The following RC3H1 variants were observed in gnomAD, a reference collection of about 807,000 sequenced individuals.
RC3H1 encodes roquin-1.
A neutral mutation model predicts 138.2 loss-of-function variants in RC3H1; 50 were observed. The observed-to-expected ratio is 0.36, with a 90% CI of 0.29 to 0.46. The LOEUF (loss-of-function observed/expected upper bound fraction) is 0.46. RC3H1 is among the 20% of genes least tolerant of loss of function. The pLI is 1.00. For synonymous variants in RC3H1, 462 were observed against 489.1 expected (o/e 0.94, Z 0.73); for missense variants, 1,031 against 1,388.1 (o/e 0.74, Z 4.09).
At chr1:173,995,684 T>C (rs1342453812) in intron 1 of RC3H1, among the ~76,000 whole-genome samples, 1 of 152,196 alleles carries the variant, frequency 6.6e-6, no homozygotes, top group Non-Finnish European at 1.5e-5. Context: ...TTGTTTTCAA[T>C]GTTCTCCTGT....
intron 1 of RC3H1, among the ~76,000 whole-genome samples, chr1:174,013,024 A>C (rs1202515822): frequency 6.6e-6 from 1 of 152,012 alleles, no homozygotes; most frequent in East Asian, 1.9e-4. Flanking sequence ...AAACAAAATA[A>C]AATTTTAGAA....
At chr1:174,020,601 T>A (rs1034804356) in intron 1 of RC3H1, among the ~76,000 whole-genome samples, 5 of 152,220 alleles carry the variant, frequency 3.3e-5, no homozygotes, top group Non-Finnish European at 2.9e-5. Context: ...GCAATCTCCT[T>A]GGATGTATCC....
At chr1:173,943,702 T>C (rs1659012776) in intron 17 of RC3H1, 87 bp from the exon 18 acceptor site, 2 of 1,323,788 alleles carry the variant, frequency 1.5e-6, no homozygotes, top group African/African-American at 1.5e-5. Context: ...ACCACAGCCT[T>C]GAGTAGCTTA....
chr1:173,946,552 T>C lies in RC3H1; in HGVS notation c.2885A>G (p.Glu962Gly). The change falls in exon 17 of 20, where the codon GAG (glutamate) becomes GGG (glycine). Residue 962 changes from glutamate to glycine, a missense_variant. By Grantham distance (98) the Glu-to-Gly change is moderately conservative. Around this residue, in one of 7 missense-constraint regions of RC3H1, gnomAD observed 716 missense variants for 837.9 expected, o/e 0.85. Coordinates refer to ENST00000367696, the MANE Select transcript of RC3H1 (RefSeq NM_172071.4). ...CAATTCTAGTCGTAGCTGTTCTCTCTCAGCAGATGGAAGGGGTTTTCCATG... is the reference window on the plus strand; with the variant it reads ...CAATTCTAGTCGTAGCTGTTCTCTCCCAGCAGATGGAAGGGGTTTTCCATG... The part of the protein sequence containing the change: ...ASHGKPLPSA[E>G]REQLRLELQQ... 1 of 1,614,086 alleles carries C rather than the reference T, an allele frequency of 6.2e-7. No homozygotes were observed. Among genetic ancestry groups the C allele is most frequent in the Non-Finnish European group, 8.5e-7 (1 of 1,179,934 alleles).
At chr1:173,947,901 C>T (rs1484208338) in intron 14 of RC3H1, among the ~76,000 whole-genome samples, 2 of 152,038 alleles carry the variant, frequency 1.3e-5, no homozygotes, top group African/African-American at 2.4e-5. Flanking sequence ...TACCAGCACA[C>T]CCAGCTAATT....
In RC3H1 at chr1:173,931,923, CA is replaced by C. The variant is rs1658394639; in HGVS notation, c.*6797del. 1 of 149,750 alleles carries C rather than the reference CA, an allele frequency of 6.7e-6. No individual in the cohort carries two copies. The highest frequency in any genetic ancestry group is 2.5e-5 in the African/African-American group (1 of 40,610). 9.3% of individuals were successfully genotyped at this position (149,750 alleles called of 1,614,324 possible). ...AGGCTCAATTTTTTTTTTTCCTGAACAGGGGGGTGGAGGCAGGCAAGAAAGA... is the reference window on the plus strand; with the variant it reads ...AGGCTCAATTTTTTTTTTTCCTGAACGGGGGGTGGAGGCAGGCAAGAAAGA... On this transcript the variant is annotated 3_prime_UTR_variant, in exon 20 of 20. Transcript: ENST00000367696.
intron 14 of RC3H1, 81 bp downstream of exon 14, chr1:173,951,905 T>C (rs946928302): frequency 7.5e-7 from 1 of 1,337,980 alleles, no homozygotes; most frequent in Non-Finnish European, 1.0e-6. Flanking sequence ...AGCTGAATTA[T>C]TTGTGCCTAA....
rs1180523535 is a variant in RC3H1, at chr1:173,961,859, T to C, written c.2068A>G (p.Ser690Gly). 6.2e-7 allele frequency: 1 copy of C among 1,614,164 alleles called. No homozygotes were observed. The highest frequency in any genetic ancestry group is 8.5e-7 in the Non-Finnish European group (1 of 1,180,016). The change falls in exon 12 of 20, where the codon AGC becomes GGC. Residue 690 changes from serine (S) to glycine (G), a missense_variant. By Grantham distance (56) the Ser-to-Gly change is moderately conservative (BLOSUM62 0). Transcript: ENST00000367696. ...SYTREEIFRE[S>G]PIPIEIPPAA... Reference sequence around the variant, plus strand: ...GGTGGAATCTCAATGGGTATAGGGCTTTCTCGGAATATCTCTTCTCTTGTG... The same window carrying C: ...GGTGGAATCTCAATGGGTATAGGGCCTTCTCGGAATATCTCTTCTCTTGTG...
intron 12 of RC3H1, 109 bp downstream of exon 12, chr1:173,961,616 C>T: frequency 9.7e-7 from 1 of 1,033,102 alleles, no homozygotes. Flanking sequence ...AAGAAGCTCT[C>T]TTATAAAAAA....
At chr1:173,938,939 G>C in intron 19 of RC3H1, 68 bp from the exon 20 acceptor site, 1 of 1,218,630 alleles carries the variant, frequency 8.2e-7, no homozygotes, top group Non-Finnish European at 1.1e-6. Context: ...AATCAACAGG[G>C]GATATAATTT....
At chr1:173,976,839 C>G (rs1465855375) in intron 7 of RC3H1, among the ~76,000 whole-genome samples, 1 of 151,584 alleles carries the variant, frequency 6.6e-6, no homozygotes, top group Non-Finnish European at 1.5e-5. Flanking sequence ...ATGCCATAGT[C>G]AAGAGTGTCA....
intron 1 of RC3H1, among the ~76,000 whole-genome samples, chr1:173,997,908 C>T (rs920038034): frequency 5.3e-5 from 8 of 152,062 alleles, no homozygotes; most frequent in African/African-American, 1.9e-4. Flanking sequence ...TTTCCATTTC[C>T]TCATTCTTTA....
At chr1:173,960,174 CA>C (rs1659812272) in intron 13 of RC3H1, among the ~76,000 whole-genome samples, 1 of 150,816 alleles carries the variant, frequency 6.6e-6, no homozygotes, top group South Asian at 2.1e-4. Context: ...CCTGCAGTCC[CA>C]GCTACTTGGG....
rs142702123 is a variant in RC3H1 at position 173,979,464 on chromosome 1, G to A, written c.970-844C>T. On this transcript the variant is annotated intron_variant, in intron 6 of 19. Transcript: ENST00000367696. ...AGTTCGAAACCAGCCTGGCCAACAT[G>A]GTGAAACCCCGTCTCTACTAAAGAT... 2.0e-3 allele frequency among the ~76,000 whole-genome samples: 306 copies of A among 152,278 alleles called. 1 individual carries two copies. The highest frequency in any genetic ancestry group is 3.7e-3 in the Non-Finnish European group (250 of 68,018).
At chr1:173,946,990 T>C (rs1439457662) in intron 15 of RC3H1, among the ~76,000 whole-genome samples, 154 bp from the exon 16 acceptor site, 2 of 152,246 alleles carry the variant, frequency 1.3e-5, no homozygotes. Context: ...TTTGTTTTTC[T>C]AAATATCAGG....
At chr1:173,963,493 T>C (rs572821988) in intron 11 of RC3H1, among the ~76,000 whole-genome samples, 1 of 152,324 alleles carries the variant, frequency 6.6e-6, no homozygotes, top group South Asian at 2.1e-4. Context: ...CATTATTTAT[T>C]CTATTCTGTA....
chr1:173,949,716 T>C (rs909328375), intron 14 of RC3H1, among the ~76,000 whole-genome samples: 1 of 151,922 alleles, frequency 6.6e-6, no homozygotes, highest in African/African-American at 2.4e-5. Context: ...AAGACATACA[T>C]AAGAATGTTT....
Position 173,964,945 on chromosome 1 carries a change from C to T in RC3H1, c.1510G>A (p.Val504Ile), listed in dbSNP as rs374833480. ...PNGIVSTGNT[V>I]TQLIPRGTDP... ...GTCCCTCGCGGAATAAGCTGTGTTA[C>T]TGTATTCCCTGTTGATACAATTCCA... The change falls in exon 10 of 20, where the codon GTA becomes ATA. Residue 504 changes from valine (V) to isoleucine (I), a missense_variant. Around this residue, in one of 7 missense-constraint regions of RC3H1, gnomAD observed 716 missense variants for 837.9 expected, o/e 0.85. Coordinates refer to ENST00000367696, the MANE Select transcript of RC3H1 (RefSeq NM_172071.4). The T allele has an allele frequency of 8.1e-6, 13 of 1,613,956 alleles. No homozygotes were observed. In the African/African-American group the frequency reaches 1.1e-4, roughly 13 times the overall value.
At chr1:173,968,087 T>TA (rs1557934028) in intron 9 of RC3H1, among the ~76,000 whole-genome samples, 4 of 152,216 alleles carry the variant, frequency 2.6e-5, no homozygotes, top group African/African-American at 9.6e-5. Context: ...TAAGCTCCTA[T>TA]ATGCATCTCA....
Sources: gnomAD v4.1 joint callset for allele counts (sites outside exome capture counted in the v4.1 genomes callset) on GRCh38, gnomAD v4.1.1 for gene constraint, gnomAD v4.1.1 regional missense constraint, MANE v1.5 for transcripts, NCBI Gene and HGNC (gene_info 2026-07-23, HGNC 2026-07-21) for gene names.